The following DNAH9 variants were observed in gnomAD, a reference collection of about 807,000 sequenced individuals.
DNAH9 encodes DNAH9 variant protein.
A neutral mutation model predicts 471.6 loss-of-function variants in DNAH9; 345 were observed. That is an observed-to-expected ratio of 0.73 (90% CI 0.67 to 0.80). The LOEUF (loss-of-function observed/expected upper bound fraction) is 0.80, where lower values mean the gene tolerates loss of function less well. Ranked by LOEUF, DNAH9 falls within the 30% of genes least tolerant of loss-of-function variation. The pLI is 0.00. For synonymous variants in DNAH9, 2,093 were observed against 2,123.6 expected (o/e 0.99, Z 0.40); for missense variants, 5,407 against 5,609.2 (o/e 0.96, Z 1.15).
At chr17:11,709,967 C>T (rs1010770431) in intron 26 of DNAH9, among the ~76,000 whole-genome samples, 4 of 152,082 alleles carry the variant, frequency 2.6e-5, no homozygotes, top group East Asian at 1.9e-4. Flanking sequence ...TAGCAAAAGT[C>T]GTATGCTCTC....
chr17:11,933,846 C>G, intron 64 of DNAH9, 34 bp from the exon 65 acceptor site: 2 of 1,586,812 alleles, frequency 1.3e-6, no homozygotes, highest in Non-Finnish European at 1.7e-6. Flanking sequence ...GGAGGTCTTT[C>G]TTCCTTCCTC....
intron 67 of DNAH9, among the ~76,000 whole-genome samples, chr17:11,953,178 G>T (rs549118886): frequency 1.3e-5 from 2 of 152,092 alleles, no homozygotes; most frequent in Admixed American, 6.6e-5. Context: ...CCAGGTACAT[G>T]GCCCAGTCCG....
Position 11,694,005 on chromosome 17 carries a change from G to A in DNAH9, c.4745+7G>A. 6.2e-7 allele frequency: 1 copy of A among 1,612,684 alleles called. No individual in the cohort carries two copies. The highest frequency in any genetic ancestry group is 8.5e-7 in the Non-Finnish European group (1 of 1,179,686). On this transcript the variant is annotated splice_region_variant and intron_variant, in intron 21 of 68. Transcript: ENST00000262442. Reference sequence around the variant, plus strand: ...TGGAGGATATTCAGGGCAGGTGAGGGTCCGCCCATTACCCCTTCTCTAATA... The same window carrying A: ...TGGAGGATATTCAGGGCAGGTGAGGATCCGCCCATTACCCCTTCTCTAATA...
At position 11,647,125 on chromosome 17, in the gene DNAH9, A is replaced by G; in HGVS notation, c.2024A>G (p.Gln675Arg). Residue 675 changes from glutamine to arginine, a missense_variant, in exon 12 of 69, where the codon CAG becomes CGG. Physicochemically the swap from Gln to Arg is conservative, Grantham distance 43 (BLOSUM62 1). Transcript: ENST00000262442. ...DWCRTVSEKSQYNLSQPLLKR... is the reference protein window; with the variant it reads ...DWCRTVSEKSRYNLSQPLLKR... ...TGCCGGACAGTATCAGAGAAGTCAC[A>G]GTACAATCTTTCCCAACCACTTCTA... is the stretch of plus-strand genomic sequence containing the variant. The G allele has an allele frequency of 3.1e-6, 5 of 1,613,944 alleles. No individual in the cohort carries two copies. The highest frequency in any genetic ancestry group is 4.2e-6 in the Non-Finnish European group (5 of 1,179,832).
Position 11,680,798 on chromosome 17 carries a change from A to G in DNAH9, c.3652A>G (p.Asn1218Asp). 2 of 1,613,936 alleles carry G rather than the reference A, an allele frequency of 1.2e-6. No homozygotes were observed. Among genetic ancestry groups the G allele is most frequent in the Non-Finnish European group, 1.7e-6 (2 of 1,179,904 alleles). The stretch of plus-strand genomic sequence containing the variant: ...GCAGCAGGTGGCCCCACTGCAGGCA[A>G]ATGAAGTGACACTCCTCCGCCAGAG... ...VKQQVAPLQA[N>D]EVTLLRQRCT... The change falls in exon 19 of 69, where the codon AAT becomes GAT. Residue 1218 changes from asparagine to aspartate, a missense_variant. Around this residue, in one of 3 missense-constraint regions of DNAH9, gnomAD observed 4,636 missense variants for 4,900.3 expected, o/e 0.95. Coordinates refer to ENST00000262442, the MANE Select transcript of DNAH9 (RefSeq NM_001372.4).
At chr17:11,657,364 A>C (rs1481248197) in intron 14 of DNAH9, among the ~76,000 whole-genome samples, 1 of 152,090 alleles carries the variant, frequency 6.6e-6, no homozygotes, top group Non-Finnish European at 1.5e-5. Flanking sequence ...CAATTATATG[A>C]ATTCCTCTAT....
intron 55 of DNAH9, among the ~76,000 whole-genome samples, chr17:11,881,694 G>C (rs1972727548): frequency 6.6e-6 from 1 of 152,124 alleles, no homozygotes; most frequent in African/African-American, 2.4e-5. Context: ...GGATCATGAG[G>C]TCGGTAGTTC....
chr17:11,612,121 T>C, intron 4 of DNAH9: 1 of 558,734 alleles, frequency 1.8e-6, no homozygotes, highest in East Asian at 3.0e-5. Context: ...CACAACAATG[T>C]TCCTGGAGCT....
chr17:11,890,548 T>C (rs1253914711), intron 57 of DNAH9, among the ~76,000 whole-genome samples: 1 of 152,182 alleles, frequency 6.6e-6, no homozygotes, highest in Non-Finnish European at 1.5e-5. Context: ...TTAGAAAGAC[T>C]TAAGATTTTT....
intron 32 of DNAH9, 57 bp downstream of exon 32, chr17:11,747,823 G>T: frequency 6.9e-7 from 1 of 1,457,866 alleles, no homozygotes; most frequent in Non-Finnish European, 9.6e-7. Flanking sequence ...TCCCTGTGGC[G>T]GGCTTGGATG....
intron 57 of DNAH9, 49 bp downstream of exon 57, chr17:11,887,014 T>A: frequency 1.9e-6 from 3 of 1,571,262 alleles, no homozygotes; most frequent in Non-Finnish European, 2.6e-6. Flanking sequence ...AGCAGTGTAA[T>A]ATTGCCAATG....
chr17:11,757,845 A>C (rs566982342), intron 35 of DNAH9, among the ~76,000 whole-genome samples, 153 bp downstream of exon 35: 1 of 152,216 alleles, frequency 6.6e-6, no homozygotes, highest in Non-Finnish European at 1.5e-5. Flanking sequence ...AAGGGGACAC[A>C]CATTAGGATG....
At chr17:11,747,894 C>A in intron 32 of DNAH9, 128 bp downstream of exon 32, 2 of 824,582 alleles carry the variant, frequency 2.4e-6, no homozygotes, top group African/African-American at 1.7e-5. Flanking sequence ...CGGAGGGAGA[C>A]AAAAAAGCCA....
intron 17 of DNAH9, among the ~76,000 whole-genome samples, chr17:11,672,024 G>T (rs1449714634): frequency 6.6e-6 from 1 of 152,132 alleles, no homozygotes; most frequent in Non-Finnish European, 1.5e-5. Flanking sequence ...AGATTTTATT[G>T]TATTCTGGAG....
intron 14 of DNAH9, among the ~76,000 whole-genome samples, chr17:11,663,623 T>C (rs540215701): frequency 6.6e-6 from 1 of 152,360 alleles, no homozygotes; most frequent in African/African-American, 2.4e-5. Context: ...TATTTCTTCC[T>C]ACTTCATAGA....
intron 43 of DNAH9, among the ~76,000 whole-genome samples, chr17:11,807,356 G>A (rs1355533181): frequency 1.3e-5 from 2 of 151,956 alleles, no homozygotes; most frequent in Non-Finnish European, 2.9e-5. Flanking sequence ...CGCTTTTTCC[G>A]TCCCCTCTTC....
intron 62 of DNAH9, among the ~76,000 whole-genome samples, chr17:11,924,811 A>G (rs909687781): frequency 6.6e-6 from 1 of 151,960 alleles, no homozygotes; most frequent in Non-Finnish European, 1.5e-5. Context: ...TTTAGTAGAG[A>G]CAGGGTTTCA....
intron 61 of DNAH9, among the ~76,000 whole-genome samples, chr17:11,917,791 A>G (rs1247366211): frequency 6.6e-6 from 1 of 152,108 alleles, no homozygotes; most frequent in East Asian, 1.9e-4. Context: ...TCTTTGGGGC[A>G]GCTCAGTTTG....
At chr17:11,928,801 T>G (rs1337284196) in intron 62 of DNAH9, among the ~76,000 whole-genome samples, 1 of 152,200 alleles carries the variant, frequency 6.6e-6, no homozygotes, top group Non-Finnish European at 1.5e-5. Context: ...TTTAAATCAG[T>G]GCCTTTCAAA....
Sources: gnomAD v4.1 joint callset for allele counts (sites outside exome capture counted in the v4.1 genomes callset) on GRCh38, gnomAD v4.1.1 for gene constraint, gnomAD v4.1.1 regional missense constraint, MANE v1.5 for transcripts, NCBI Gene and HGNC (gene_info 2026-07-23, HGNC 2026-07-21) for gene names.